Variants in EYA4 observed in about 807,000 individuals in gnomAD.
EYA4 encodes EYA transcriptional coactivator and phosphatase 4.
EYA4 carries 31 observed loss-of-function variants against 87.9 expected under a neutral mutation model. The observed-to-expected ratio is 0.35, with a 90% CI of 0.27 to 0.48. The LOEUF (loss-of-function observed/expected upper bound fraction) is 0.48. EYA4 is among the 20% of genes least tolerant of loss of function. The pLI, the probability that EYA4 is intolerant of heterozygous loss-of-function variation, is 0.99. For missense variants in EYA4, 678 were observed against 761.4 expected (o/e 0.89, Z 1.29); for synonymous variants, 263 against 270.6 (o/e 0.97, Z 0.28).
At chr6:133,516,908 AG>A (rs1274885179) in intron 17 of EYA4, among the ~76,000 whole-genome samples, 1 of 152,094 alleles carries the variant, frequency 6.6e-6, no homozygotes, top group East Asian at 1.9e-4. Flanking sequence ...TTCTTTATCC[AG>A]TCTATCATTG....
At chr6:133,497,031 A>G (rs1797701192) in intron 13 of EYA4, among the ~76,000 whole-genome samples, 1 of 152,166 alleles carries the variant, frequency 6.6e-6, no homozygotes, top group African/African-American at 2.4e-5. Context: ...ATTAGTGGGC[A>G]ATACTGAGTA....
rs149273996 is a variant in EYA4, at chr6:133,373,897, G to A, written c.34-8495G>A. 4.1e-3 allele frequency among the ~76,000 whole-genome samples: 624 copies of A among 152,076 alleles called. 7 individuals carry two copies. Among genetic ancestry groups the A allele is most frequent in the African/African-American group, 0.014 (597 of 41,512 alleles). ...GGAGCTTTCATATGAGCTGTAACATGATATGTTAAAGCATATTATGGTTCC... is the reference window on the plus strand; with the variant it reads ...GGAGCTTTCATATGAGCTGTAACATAATATGTTAAAGCATATTATGGTTCC... On this transcript the variant is annotated intron_variant, in intron 2 of 19. Coordinates refer to ENST00000355286, the MANE Select transcript of EYA4 (RefSeq NM_004100.5).
At chr6:133,343,611 C>G (rs1782977860) in intron 2 of EYA4, among the ~76,000 whole-genome samples, 1 of 140,906 alleles carries the variant, frequency 7.1e-6, no homozygotes, top group Non-Finnish European at 1.5e-5. Context: ...TCCATACACA[C>G]TCTGGTAGAC....
At position 133,391,222 on chromosome 6, in the gene EYA4, G is replaced by GTTTTTTTTTTTTT. The variant is rs531819011; in HGVS notation, c.83+8785_83+8797dup. ...CTATTATTTTTTGGGTTTTGTTTTT[G>GTTTTTTTTTTTTT]TTTTTTTTTTTTTTTTGAGATGGAG... is the stretch of plus-strand genomic sequence containing the variant. On this transcript the variant is annotated intron_variant, in intron 3 of 19. Coordinates refer to ENST00000355286, the MANE Select transcript of EYA4 (RefSeq NM_004100.5). 9.9e-4 allele frequency among the ~76,000 whole-genome samples: 89 copies of GTTTTTTTTTTTTT among 89,802 alleles called. 1 individual carries two copies. Among genetic ancestry groups the GTTTTTTTTTTTTT allele is most frequent in the African/African-American group, 2.7e-3 (83 of 30,190 alleles). 58.9% of individuals were successfully genotyped at this position (89,802 alleles called of 152,430 possible).
intron 14 of EYA4, chr6:133,511,729 T>A (rs1799155728): frequency 6.6e-6 from 1 of 152,198 alleles, no homozygotes; most frequent in Non-Finnish European, 1.5e-5. Context: ...CCCAGCACTT[T>A]GGGAGGCCGA....
intron 3 of EYA4, among the ~76,000 whole-genome samples, chr6:133,404,676 A>T (rs886094992): frequency 1.3e-5 from 2 of 152,204 alleles, no homozygotes; most frequent in Non-Finnish European, 2.9e-5. Flanking sequence ...TCTAACACAA[A>T]ACATTTGAGA....
intron 3 of EYA4, among the ~76,000 whole-genome samples, chr6:133,399,886 A>G (rs1788113152): frequency 6.6e-6 from 1 of 152,214 alleles, no homozygotes; most frequent in African/African-American, 2.4e-5. Context: ...TAAATAAGAG[A>G]AAACACAAAG....
intron 11 of EYA4, among the ~76,000 whole-genome samples, chr6:133,480,158 G>A (rs1796080913): frequency 6.6e-6 from 1 of 152,120 alleles, no homozygotes; most frequent in African/African-American, 2.4e-5. Context: ...ATAAGGAATG[G>A]GAGAAGTACA....
chr6:133,278,627 T>C (rs1326555286), intron 2 of EYA4, among the ~76,000 whole-genome samples: 1 of 152,168 alleles, frequency 6.6e-6, no homozygotes, highest in African/African-American at 2.4e-5. Flanking sequence ...TGAATTTATA[T>C]TCGACTCACT....
At chr6:133,332,621 G>C (rs1009818718) in intron 2 of EYA4, among the ~76,000 whole-genome samples, 1 of 151,722 alleles carries the variant, frequency 6.6e-6, no homozygotes, top group African/African-American at 2.4e-5. Context: ...TCAGCTAACT[G>C]CTACCTCCGC....
intron 14 of EYA4, among the ~76,000 whole-genome samples, chr6:133,512,382 C>A (rs1412215842): frequency 6.6e-6 from 1 of 152,258 alleles, no homozygotes; most frequent in Non-Finnish European, 1.5e-5. Context: ...GTATGCACAA[C>A]AGAAATGGCC....
chr6:133,285,354 G>C (rs1037105038), intron 2 of EYA4, among the ~76,000 whole-genome samples: 1 of 152,108 alleles, frequency 6.6e-6, no homozygotes, highest in African/African-American at 2.4e-5. Context: ...GGATATCTGG[G>C]GAAAGTGGGT....
chr6:133,490,580 CA>C (rs1014408915), intron 13 of EYA4, among the ~76,000 whole-genome samples: 5 of 148,854 alleles, frequency 3.4e-5, no homozygotes, highest in Admixed American at 6.7e-5. Flanking sequence ...AAAAGTAAAA[CA>C]AAAAAAAACT....
chr6:133,428,087 A>G (rs1279316356), intron 3 of EYA4, among the ~76,000 whole-genome samples: 2 of 152,196 alleles, frequency 1.3e-5, no homozygotes, highest in African/African-American at 4.8e-5. Flanking sequence ...GTTAGAGATA[A>G]GAGTATGAGA....
rs1206356900 is a variant in EYA4, at chr6:133,361,211, A to G, written c.34-21181A>G. ...ATGTTTGTGAACAACTTTAGAAGAA[A>G]GTCATAGTACCTCCCTCCATAGCAA... On this transcript the variant is annotated intron_variant, in intron 2 of 19. Coordinates refer to ENST00000355286, the MANE Select transcript of EYA4 (RefSeq NM_004100.5). 2.0e-5 allele frequency among the ~76,000 whole-genome samples: 3 copies of G among 152,230 alleles called. No individual in the cohort carries two copies. The East Asian group carries it at 5.8e-4, about 29-fold the overall frequency.
Position 133,530,931 on chromosome 6 carries a change from G to A in EYA4, c.*2126G>A, listed in dbSNP as rs1277582113. On this transcript the variant is annotated 3_prime_UTR_variant, in exon 20 of 20. Transcript: ENST00000355286. ...AATTTAAATGTTGCCTTGATTATCA[G>A]TACTTAATTATGTTGTGCACTAAAA... The A allele has an allele frequency of 8.6e-7, 1 of 1,167,766 alleles. No individual in the cohort carries two copies. The highest frequency in any genetic ancestry group is 1.1e-6 in the Non-Finnish European group (1 of 945,544). 72.3% of individuals were successfully genotyped at this position (1,167,766 alleles called of 1,614,324 possible). A position where few individuals can be genotyped will look rare whatever the true frequency, so the allele number is the denominator to read the frequency against.
At chr6:133,317,155 T>C (rs1017661319) in intron 2 of EYA4, among the ~76,000 whole-genome samples, 3 of 152,204 alleles carry the variant, frequency 2.0e-5, no homozygotes, top group African/African-American at 4.8e-5. Context: ...TCTTGGCTTA[T>C]CAAAAAGTCA....
At chr6:133,400,589 T>C (rs1788181408) in intron 3 of EYA4, among the ~76,000 whole-genome samples, 1 of 152,120 alleles carries the variant, frequency 6.6e-6, no homozygotes, top group Admixed American at 6.6e-5. Flanking sequence ...ATAGGATTCA[T>C]TTAGCAAAAT....
At chr6:133,525,948 A>G in intron 19 of EYA4, 1 of 984,782 alleles carries the variant, frequency 1.0e-6, no homozygotes. Context: ...TTGGTGAGCC[A>G]GTGGTACTTG....
Sources: gnomAD v4.1 joint callset for allele counts (sites outside exome capture counted in the v4.1 genomes callset) on GRCh38, gnomAD v4.1.1 for gene constraint, MANE v1.5 for transcripts, NCBI Gene and HGNC (gene_info 2026-07-23, HGNC 2026-07-21) for gene names.